FAR1: variants seen among roughly 807,000 people sequenced by gnomAD.
The protein encoded by FAR1 is male sterility domain-containing protein 2.
Under a neutral mutation model 61.1 loss-of-function variants are expected in FAR1, and 22 were observed. That is an observed-to-expected ratio of 0.36 (90% confidence interval 0.26 to 0.51). The LOEUF (loss-of-function observed/expected upper bound fraction) is 0.51. Ranked by LOEUF, FAR1 falls within the 20% of genes least tolerant of loss-of-function variation. The pLI is 0.95. For synonymous variants in FAR1, 206 were observed against 209.7 expected (o/e 0.98, Z 0.15); for missense variants, 359 against 626.9 (o/e 0.57, Z 4.56).
intron 1 of FAR1, among the ~76,000 whole-genome samples, chr11:13,674,238 G>A (rs1381342334): frequency 6.6e-6 from 1 of 151,504 alleles, no homozygotes; most frequent in Non-Finnish European, 1.5e-5. Flanking sequence ...GAACCCGGGA[G>A]GCAGAGGTTG....
rs1489053986 is a variant in FAR1, at chr11:13,730,494, A to G, written c.*1720A>G. The G allele has an allele frequency of 6.6e-6, 1 of 152,276 alleles. No homozygotes were observed. Among genetic ancestry groups the G allele is most frequent in the Non-Finnish European group, 1.5e-5 (1 of 67,982 alleles). 9.4% of individuals were successfully genotyped at this position (152,276 alleles called of 1,614,324 possible). ...TTATATAAAGGTATAAGAGACCATG[A>G]CAATGTCTGAAAATGGAATAGATAA... On this transcript the variant is annotated 3_prime_UTR_variant, in exon 12 of 12. Coordinates refer to ENST00000354817, the MANE Select transcript of FAR1 (RefSeq NM_032228.6).
Position 13,691,836 on chromosome 11 carries a change from C to A in FAR1, c.-7-2923C>A, listed in dbSNP as rs142936958. Among the ~76,000 whole-genome samples, 755 of 152,098 alleles carry A rather than the reference C, an allele frequency of 5.0e-3. 9 individuals are homozygous for A. Among genetic ancestry groups the A allele is most frequent in the African/African-American group, 0.017 (714 of 41,498 alleles). On this transcript the variant is annotated intron_variant, in intron 1 of 11. Coordinates refer to ENST00000354817, the MANE Select transcript of FAR1 (RefSeq NM_032228.6). The stretch of plus-strand genomic sequence containing the variant: ...GCAGTGCTGCTATAGATTGAGTATC[C>A]CTAATCCAAAAAATCTGAAATTCAG...
rs1449423859 is a variant in FAR1 at position 13,675,722 on chromosome 11, T to TTG, written c.-8+6928_-8+6929dup. 7.2e-5 allele frequency among the ~76,000 whole-genome samples: 11 copies of TTG among 152,202 alleles called. No individual in the cohort carries two copies. In the East Asian group the frequency reaches 9.6e-4, roughly 13 times the overall value. Reference sequence around the variant, plus strand: ...TTGTGCCATCAGCTTTGGTGTGCAGTTGTGTGTGTGTGTTTAACTTAAATG... The same window carrying TTG: ...TTGTGCCATCAGCTTTGGTGTGCAGTTGTGTGTGTGTGTGTTTAACTTAAATG... On this transcript the variant is annotated intron_variant, in intron 1 of 11. Transcript: ENST00000354817.
chr11:13,685,825 T>C (rs1312689508), intron 1 of FAR1, among the ~76,000 whole-genome samples: 1 of 152,224 alleles, frequency 6.6e-6, no homozygotes, highest in Non-Finnish European at 1.5e-5. Flanking sequence ...TTATTTCATA[T>C]GTTAAAATTT....
At chr11:13,723,366 A>AG (rs1255925372) in intron 10 of FAR1, 1 of 400,014 alleles carries the variant, frequency 2.5e-6, no homozygotes, top group Non-Finnish European at 4.9e-6. Flanking sequence ...GTCTCTCAAA[A>AG]AAAAAAAAAA....
intron 1 of FAR1, among the ~76,000 whole-genome samples, chr11:13,673,525 A>G (rs1404733480): frequency 6.6e-6 from 1 of 152,230 alleles, no homozygotes; most frequent in African/African-American, 2.4e-5. Flanking sequence ...TTGTGAAACT[A>G]ATAGCACGGA....
chr11:13,709,990 A>G (rs1276928822), intron 4 of FAR1, among the ~76,000 whole-genome samples: 1 of 152,114 alleles, frequency 6.6e-6, no homozygotes, highest in Non-Finnish European at 1.5e-5. Flanking sequence ...CATTTCTTCA[A>G]AGAGAACTGG....
chr11:13,714,326 T>G (rs1008999184), intron 8 of FAR1, among the ~76,000 whole-genome samples, 183 bp from the exon 9 acceptor site: 1 of 152,182 alleles, frequency 6.6e-6, no homozygotes, highest in Non-Finnish European at 1.5e-5. Context: ...CAAAACCACT[T>G]GAGTTTAGCA....
chr11:13,729,823 G>A lies in FAR1; in HGVS notation c.*1049G>A, dbSNP rs1232223762. On this transcript the variant is annotated 3_prime_UTR_variant, in exon 12 of 12. Coordinates refer to ENST00000354817, the MANE Select transcript of FAR1 (RefSeq NM_032228.6). Reference sequence around the variant, plus strand: ...CATACTAATTTTGACCTTGAAAGATGAATTCCTTCAAGAAAAATAAAATAA... The same window carrying A: ...CATACTAATTTTGACCTTGAAAGATAAATTCCTTCAAGAAAAATAAAATAA... The A allele has an allele frequency of 1.3e-5, 2 of 152,184 alleles. No individual in the cohort carries two copies. The highest frequency in any genetic ancestry group is 6.6e-5 in the Admixed American group (1 of 15,258). The allele number at this position is 152,184 out of a possible 1,614,324, so 9.4% of individuals were successfully genotyped here.
chr11:13,718,964 G>C (rs1185314215), intron 9 of FAR1, among the ~76,000 whole-genome samples: 2 of 152,134 alleles, frequency 1.3e-5, no homozygotes, highest in Non-Finnish European at 2.9e-5. Context: ...GAGTTGGACA[G>C]CATACACAGT....
rs184098289 is a variant in FAR1 at position 13,682,015 on chromosome 11, A to G, written c.-7-12744A>G. On this transcript the variant is annotated intron_variant, in intron 1 of 11. Coordinates refer to ENST00000354817, the MANE Select transcript of FAR1 (RefSeq NM_032228.6). ...GTAGTCTTTTCTGCAAAATAATACA[A>G]CCCAAGCCTCATCCCTGCATATCTT... Among the ~76,000 whole-genome samples the G allele has an allele frequency of 1.4e-3, 219 of 152,188 alleles. 1 individual carries two copies. Among genetic ancestry groups the G allele is most frequent in the African/African-American group, 5.1e-3 (211 of 41,526 alleles).
chr11:13,696,472 G>A (rs1166854771), intron 2 of FAR1, among the ~76,000 whole-genome samples: 1 of 152,132 alleles, frequency 6.6e-6, no homozygotes, highest in East Asian at 1.9e-4. Flanking sequence ...GAAGACTTGG[G>A]CATCTTCTTC....
intron 9 of FAR1, among the ~76,000 whole-genome samples, chr11:13,719,001 CAG>C (rs1483106267): frequency 6.6e-6 from 1 of 151,836 alleles, no homozygotes; most frequent in Admixed American, 6.6e-5. Context: ...GGTGAGTATT[CAG>C]TGAGCAAGAC....
At chr11:13,722,301 T>C (rs1036773865) in intron 10 of FAR1, among the ~76,000 whole-genome samples, 57 of 152,140 alleles carry the variant, frequency 3.7e-4, no homozygotes, top group African/African-American at 1.4e-3. Flanking sequence ...TTTTTGAGCT[T>C]ACTCTAGATG....
chr11:13,710,891 A>G (rs1848490956), intron 5 of FAR1, 21 bp downstream of exon 5: 4 of 1,597,442 alleles, frequency 2.5e-6, no homozygotes, highest in South Asian at 1.1e-5. Flanking sequence ...AGAAACCTTT[A>G]TAAATAACTG....
chr11:13,712,066 C>A lies in FAR1; in HGVS notation c.887+20C>A. 1.3e-6 allele frequency: 2 copies of A among 1,485,878 alleles called. No individual in the cohort carries two copies. The highest frequency in any genetic ancestry group is 1.4e-5 in the African/African-American group (1 of 72,296). 92.0% of individuals were successfully genotyped at this position (1,485,878 alleles called of 1,614,324 possible). On this transcript the variant is annotated intron_variant, in intron 7 of 11. Transcript: ENST00000354817. ...TAATAGGTATATGAGGTGACAATGT[C>A]GCTTATTAAATATATAGTAACTGAA...
At chr11:13,703,326 G>A (rs1848397147) in intron 3 of FAR1, among the ~76,000 whole-genome samples, 1 of 152,166 alleles carries the variant, frequency 6.6e-6, no homozygotes, top group African/African-American at 2.4e-5. Flanking sequence ...TGGTACTAGA[G>A]GCATATGCCA....
chr11:13,691,887 A>T (rs1848253970), intron 1 of FAR1, among the ~76,000 whole-genome samples: 1 of 152,164 alleles, frequency 6.6e-6, no homozygotes, highest in Non-Finnish European at 1.5e-5. Flanking sequence ...AAAACTTTTG[A>T]CCGGGTGTGG....
At chr11:13,707,156 T>C (rs1187371793) in intron 3 of FAR1, among the ~76,000 whole-genome samples, 2 of 152,220 alleles carry the variant, frequency 1.3e-5, no homozygotes, top group Non-Finnish European at 1.5e-5. Context: ...ATAGTGAATA[T>C]TTGGGCTCTC....
Sources: allele counts gnomAD v4.1 joint callset (sites outside exome capture counted in the v4.1 genomes callset), GRCh38; gene constraint gnomAD v4.1.1; transcripts MANE v1.5; gene names NCBI Gene and HGNC (gene_info 2026-07-23, HGNC 2026-07-21).